Variants in ARSA observed in about 807,000 individuals in gnomAD.
ARSA encodes arylsulfatase A.
In ARSA, 32 loss-of-function variants were observed where a neutral mutation model predicts 37.8. That is an observed-to-expected ratio of 0.85 (90% CI 0.64 to 1.14). The LOEUF (loss-of-function observed/expected upper bound fraction) is 1.14, where lower values mean the gene tolerates loss of function less well. ARSA is among the 50% of genes most tolerant of loss of function. The probability of loss-of-function intolerance (pLI) is 0.00; values close to 1 mark genes in which losing one functional copy is unlikely to be tolerated. For synonymous variants in ARSA, 303 were observed against 303.4 expected, an observed-to-expected ratio of 1.00 and a Z score of 0.01; for missense variants, 685 against 686.3, an observed-to-expected ratio of 1.00 and a Z score of 0.02.
rs2146729680 is a variant in ARSA at position 50,627,884 on chromosome 22, A to T, written c.-105T>A. ...CGCCCTTCCCTGAGACCCCGGACCCAAATACTCCCCGACCCTGACGGCCGC... is the reference window on the plus strand; with the variant it reads ...CGCCCTTCCCTGAGACCCCGGACCCTAATACTCCCCGACCCTGACGGCCGC... On this transcript the variant is annotated 5_prime_UTR_variant, in exon 1 of 8. Transcript: ENST00000216124. The T allele has an allele frequency of 8.5e-7, 1 of 1,171,240 alleles. No homozygotes were observed. Among genetic ancestry groups the T allele is most frequent in the Admixed American group, 2.3e-5 (1 of 43,726 alleles). 72.6% of individuals were successfully genotyped at this position (1,171,240 alleles called of 1,614,324 possible). A position where few individuals can be genotyped will look rare whatever the true frequency, so the allele number is the denominator to read the frequency against.
chr22:50,626,330 C>A (rs756922851), intron 4 of ARSA, 52 bp from the exon 5 acceptor site: 3 of 1,598,310 alleles, frequency 1.9e-6, no homozygotes, highest in Non-Finnish European at 2.5e-6. Flanking sequence ...TCTGAGCCAC[C>A]GAGGGTGACC....
In ARSA at chr22:50,625,437, T is replaced by C. The variant is rs1383481612; in HGVS notation, c.1238A>G (p.Asp413Gly). The C allele has an allele frequency of 6.3e-7, 1 of 1,596,656 alleles. No homozygotes were observed. Among genetic ancestry groups the C allele is most frequent in the East Asian group, 2.2e-5 (1 of 44,632 alleles). The change falls in exon 8 of 8, where the codon GAC becomes GGC. Residue 413 changes from aspartate to glycine, a missense_variant. Physicochemically the swap from Asp to Gly is moderately conservative, Grantham distance 94 (BLOSUM62 -1). Transcript: ENST00000216124. The part of the protein sequence containing the change: ...QGSAHSDTTA[D>G]PACHASSSLT... Reference sequence around the variant, plus strand: ...AGAGCTGGAGGCGTGGCAGGCAGGGTCTGCAGTGGTATCACTGTGGGCAGA... The same window carrying C: ...AGAGCTGGAGGCGTGGCAGGCAGGGCCTGCAGTGGTATCACTGTGGGCAGA...
chr22:50,626,119 G>C (rs1316865437), intron 5 of ARSA, 35 bp downstream of exon 5: 1 of 1,599,446 alleles, frequency 6.3e-7, no homozygotes, highest in Non-Finnish European at 8.5e-7. Flanking sequence ...GGGGTGGTGG[G>C]GCCAGGGTTC....
At position 50,627,932 on chromosome 22, in the gene ARSA, G is replaced by C. The variant is rs2082705339; in HGVS notation, c.-153C>G. 4.1e-6 allele frequency: 3 copies of C among 731,194 alleles called. No individual in the cohort carries two copies. The highest frequency in any genetic ancestry group is 5.4e-5 in the East Asian group (2 of 36,954). The allele number at this position is 731,194 out of a possible 1,614,324, so 45.3% of individuals were successfully genotyped here. On this transcript the variant is annotated 5_prime_UTR_variant, in exon 1 of 8. Transcript: ENST00000216124. ...CGCCTCCTGAAGCTCCAGAGGGCCGGGGCCCGACAGTACCGGGAGACCGCG... is the reference window on the plus strand; with the variant it reads ...CGCCTCCTGAAGCTCCAGAGGGCCGCGGCCCGACAGTACCGGGAGACCGCG...
At chr22:50,626,783 G>C in intron 3 of ARSA, 23 bp from the exon 4 acceptor site, 1 of 1,612,280 alleles carries the variant, frequency 6.2e-7, no homozygotes, top group Non-Finnish European at 8.5e-7. Context: ...ACTGGAGTTA[G>C]CACTGGGTAG....
At chr22:50,626,373 C>T (rs1286100442) in intron 4 of ARSA, 95 bp from the exon 5 acceptor site, 18 of 1,562,238 alleles carry the variant, frequency 1.2e-5, no homozygotes, top group Non-Finnish European at 3.4e-6. Context: ...ACAAAGCTTG[C>T]CCGGAGGTGC....
Position 50,624,822 on chromosome 22 carries a change from T to C in ARSA, c.*323A>G, listed in dbSNP as rs749686164. 6.8e-6 allele frequency among the ~76,000 whole-genome samples: 1 copy of C among 147,384 alleles called. No individual in the cohort carries two copies. Among genetic ancestry groups the C allele is most frequent in the Non-Finnish European group, 1.5e-5 (1 of 66,734 alleles). On this transcript the variant is annotated 3_prime_UTR_variant, in exon 8 of 8. Coordinates refer to ENST00000216124, the MANE Select transcript of ARSA (RefSeq NM_000487.6). ...TGTCCTTGAGGCTGACGTGTGCCTG[T>C]GTGCACTGACCCACGCAGATCACCA...
Position 50,627,537 on chromosome 22 carries a change from G to T in ARSA, c.224+19C>A. ...GGATGGAGGGTCGGGGCGGGGAAGA[G>T]GCGCGGCCCCCTCTTTACCTAGAGG... On this transcript the variant is annotated intron_variant, in intron 1 of 7. Transcript: ENST00000216124. 2 of 1,561,682 alleles carry T rather than the reference G, an allele frequency of 1.3e-6. No homozygotes were observed. Among genetic ancestry groups the T allele is most frequent in the Non-Finnish European group, 1.7e-6 (2 of 1,152,942 alleles).
In ARSA at chr22:50,625,684, G is replaced by C. The variant is rs1001100248; in HGVS notation, c.1108-3C>G. On this transcript the variant is annotated splice_region_variant and splice_polypyrimidine_tract_variant and intron_variant, in intron 6 of 7. Coordinates refer to ENST00000216124, the MANE Select transcript of ARSA (RefSeq NM_000487.6). Reference sequence around the variant, plus strand: ...AAGAAGAGAGACTGCCGAGGGCTCTGGGGGCAGAGTCAGGGGTCACGGGGC... The same window carrying C: ...AAGAAGAGAGACTGCCGAGGGCTCTCGGGGCAGAGTCAGGGGTCACGGGGC... 11 of 1,612,906 alleles carry C rather than the reference G, an allele frequency of 6.8e-6. No homozygotes were observed. The highest frequency in any genetic ancestry group is 9.3e-6 in the Non-Finnish European group (11 of 1,179,502).
intron 4 of ARSA, 23 bp from the exon 5 acceptor site, chr22:50,626,301 GA>G: frequency 3.1e-6 from 5 of 1,606,996 alleles, no homozygotes; most frequent in Non-Finnish European, 4.2e-6. Context: ...AGGCGCTCAT[GA>G]GCCATGGAGC....
chr22:50,625,471 AG>A lies in ARSA; in HGVS notation c.1211-8del, dbSNP rs1342017537. The stretch of plus-strand genomic sequence containing the variant: ...GTATCACTGTGGGCAGAGCCTGGGG[AG>A]GGGGCCAATTCTGTGCACAGGGCAA... On this transcript the variant is annotated splice_region_variant and splice_polypyrimidine_tract_variant and intron_variant, in intron 7 of 7. Transcript: ENST00000216124. 1.5e-5 allele frequency: 24 copies of A among 1,595,244 alleles called. No homozygotes were observed. The highest frequency in any genetic ancestry group is 2.0e-5 in the Non-Finnish European group (24 of 1,170,746).
rs551472773 is a variant in ARSA, at chr22:50,626,196, G to A, written c.937C>T (p.Arg313Ter). 1.6e-5 allele frequency: 26 copies of A among 1,611,094 alleles called. No homozygotes were observed. The highest frequency in any genetic ancestry group is 2.1e-5 in the Non-Finnish European group (25 of 1,179,126). Residue 313 changes from arginine to a stop codon, truncating the protein, a stop_gained, in exon 5 of 8, where the codon CGA becomes TGA. Coordinates refer to ENST00000216124, the MANE Select transcript of ARSA (RefSeq NM_000487.6). LOFTEE classifies it high-confidence loss of function. ...GGCCAGAAGGCCAAGGCAGGCTCTCGGACACCGCCCTCGTAGGTCGTTCCC... is the reference window on the plus strand; with the variant it reads ...GGCCAGAAGGCCAAGGCAGGCTCTCAGACACCGCCCTCGTAGGTCGTTCCC... Reference protein sequence around the residue: ...GKGTTYEGGVREPALAFWPGH... With the variant: ...GKGTTYEGGV
At position 50,625,598 on chromosome 22, in the gene ARSA, C is replaced by T; in HGVS notation, c.1191G>A (p.Lys397=). ...GGTTACCCTGGGTGAAGAAGTGAGC[C>T]TTGTACTTTCCAGTCCGCACAGCAA... ...GVFAVRTGKY[K]AHFFTQGSAH... The change falls in exon 7 of 8, where the codon AAG becomes AAA. Residue 397 remains lysine (K), a synonymous_variant. Coordinates refer to ENST00000216124, the MANE Select transcript of ARSA (RefSeq NM_000487.6). The T allele has an allele frequency of 6.2e-7, 1 of 1,613,598 alleles. No individual in the cohort carries two copies. Among genetic ancestry groups the T allele is most frequent in the Non-Finnish European group, 8.5e-7 (1 of 1,179,974 alleles).
In ARSA at chr22:50,625,143, C is replaced by T. The variant is rs201846218; in HGVS notation, c.*2G>A. ...CACATGCCCAGGCCAGCCGAGGGGC[C>T]CTCAGGCATGGGGATCTGGGCAATG... On this transcript the variant is annotated 3_prime_UTR_variant, in exon 8 of 8. Transcript: ENST00000216124. The T allele has an allele frequency of 1.9e-6, 3 of 1,558,784 alleles. No individual in the cohort carries two copies. In the Admixed American group the frequency reaches 5.7e-5, roughly 29 times the overall value.
In ARSA at chr22:50,625,207, A is replaced by G. The variant is rs755974448; in HGVS notation, c.1468T>C (p.Cys490Arg). Residue 490 changes from cysteine (C) to arginine (R), a missense_variant, in exon 8 of 8, where the codon TGC (cysteine) becomes CGC (arginine). By Grantham distance (180) the Cys-to-Arg change is radical (BLOSUM62 -3). Transcript: ENST00000216124. Reference sequence around the variant, plus strand: ...CGGGGGGTGCAGCCAGGATGACAGCAGATCTGCAGGGCGGGGTCCTCGCCC... The same window carrying G: ...CGGGGGGTGCAGCCAGGATGACAGCGGATCTGCAGGGCGGGGTCCTCGCCC... ...ARGEDPALQI[C>R]CHPGCTPRPA... 3 of 1,606,426 alleles carry G rather than the reference A, an allele frequency of 1.9e-6. No homozygotes were observed. Among genetic ancestry groups the G allele is most frequent in the Non-Finnish European group, 2.6e-6 (3 of 1,176,172 alleles).
rs867624246 is a variant in ARSA, at chr22:50,627,646, C to G, written c.134G>C (p.Ser45Thr). ...CTGGTCCAGGTTGGGAGTGGTAGAG[C>G]TGGGGTGCCCATAGCAGCCCAGGTC... Reference protein sequence around the residue: ...YGDLGCYGHPSSTTPNLDQLA... With the variant: ...YGDLGCYGHPTSTTPNLDQLA... Residue 45 changes from serine to threonine, a missense_variant, in exon 1 of 8, where the codon AGC becomes ACC. Physicochemically the swap from Ser to Thr is moderately conservative, Grantham distance 58 (BLOSUM62 1). Coordinates refer to ENST00000216124, the MANE Select transcript of ARSA (RefSeq NM_000487.6). 1 of 1,560,086 alleles carries G rather than the reference C, an allele frequency of 6.4e-7. No individual in the cohort carries two copies. Among genetic ancestry groups the G allele is most frequent in the African/African-American group, 1.4e-5 (1 of 73,802 alleles).
rs1234938032 is a variant in ARSA, at chr22:50,624,353, G to A, written c.*792C>T. ...CCTAAAGTGCTGGGATTACAGGCGT[G>A]AGCCACCGTGCCCAGCCAACAGATA... On this transcript the variant is annotated 3_prime_UTR_variant, in exon 8 of 8. Transcript: ENST00000216124. 6.6e-6 allele frequency among the ~76,000 whole-genome samples: 1 copy of A among 152,228 alleles called. No homozygotes were observed. The highest frequency in any genetic ancestry group is 1.5e-5 in the Non-Finnish European group (1 of 68,050).
chr22:50,625,336 C>T lies in ARSA; in HGVS notation c.1339G>A (p.Val447Met). The change falls in exon 8 of 8, where the codon GTG becomes ATG. Residue 447 changes from valine (V) to methionine (M), a missense_variant. Physicochemically the swap from Val to Met is conservative, Grantham distance 21 (BLOSUM62 1). Transcript: ENST00000216124. Reference protein sequence around the residue: ...PGENYNLLGGVAGATPEVLQA... With the variant: ...PGENYNLLGGMAGATPEVLQA... The stretch of plus-strand genomic sequence containing the variant: ...AGCACCTCTGGGGTGGCCCCGGCCA[C>T]ACCCCCCAGCAGGTTGTAGTTCTCA... 1 of 1,612,018 alleles carries T rather than the reference C, an allele frequency of 6.2e-7. No individual in the cohort carries two copies. Among genetic ancestry groups the T allele is most frequent in the Non-Finnish European group, 8.5e-7 (1 of 1,179,318 alleles).
At chr22:50,627,459 A>G in intron 1 of ARSA, 53 bp from the exon 2 acceptor site, 1 of 1,602,128 alleles carries the variant, frequency 6.2e-7, no homozygotes, top group Non-Finnish European at 8.5e-7. Flanking sequence ...GGCCTTCCCT[A>G]GAGAGAGAGA....
Sources: gnomAD v4.1 joint callset for allele counts (sites outside exome capture counted in the v4.1 genomes callset) on GRCh38, gnomAD v4.1.1 for gene constraint, MANE v1.5 for transcripts, NCBI Gene and HGNC (gene_info 2026-07-23, HGNC 2026-07-21) for gene names.